STAP2: variants seen among roughly 807,000 people sequenced by gnomAD.
The protein encoded by STAP2 is signal transducing adaptor family member 2.
In STAP2, 58 loss-of-function variants were observed where a neutral mutation model predicts 52.7. The observed-to-expected ratio is 1.10, with a 90% CI of 0.89 to 1.37. The LOEUF is 1.37. Ranked by LOEUF, STAP2 falls within the 40% of genes most tolerant of loss-of-function variation. STAP2 has a pLI of 0.00. For missense variants in STAP2, 522 were observed against 519.4 expected, an observed-to-expected ratio of 1.00 and a Z score of -0.05; for synonymous variants, 231 against 210.5, an observed-to-expected ratio of 1.10 and a Z score of -0.84.
chr19:4,328,962 G>C lies in STAP2; in HGVS notation c.456-153C>G. The C allele has an allele frequency of 2.8e-6, 3 of 1,069,288 alleles. No homozygotes were observed. The South Asian group carries it at 5.2e-5, about 19-fold the overall frequency. 66.2% of individuals were successfully genotyped at this position (1,069,288 alleles called of 1,614,324 possible). On this transcript the variant is annotated intron_variant, in intron 5 of 12. Coordinates refer to ENST00000594605, the MANE Select transcript of STAP2 (RefSeq NM_001013841.2). Reference sequence around the variant, plus strand: ...TCCAGACCCAGGCCCCTCCCACGGAGACCCAGTCCGGCCTTCCAGGCTCCT... The same window carrying C: ...TCCAGACCCAGGCCCCTCCCACGGACACCCAGTCCGGCCTTCCAGGCTCCT...
intron 1 of STAP2, among the ~76,000 whole-genome samples, chr19:4,334,791 C>G (rs1971947370): frequency 4.9e-5 from 1 of 20,342 alleles, no homozygotes; most frequent in Non-Finnish European, 1.0e-4. Flanking sequence ...TCTGTCCACC[C>G]ATCCATCCAT....
chr19:4,333,754 G>C lies in STAP2; in HGVS notation c.237C>G (p.Ser79Arg). ...TGAAGTGGGTGCCAGGGTCACGTGA[G>C]CTTCCCCAGGGAATCTCATCTGTGA... ...EKLTDEIPWG[S>R]SRDPGTHFSL... The change falls in exon 3 of 13, where the codon AGC becomes AGG. Residue 79 changes from serine to arginine, a missense_variant. Ser to Arg is a moderately radical substitution (Grantham distance 110). Transcript: ENST00000594605. The C allele has an allele frequency of 6.2e-7, 1 of 1,613,526 alleles. No homozygotes were observed. Among genetic ancestry groups the C allele is most frequent in the Non-Finnish European group, 8.5e-7 (1 of 1,179,996 alleles).
chr19:4,334,870 C>T (rs1011485723), intron 1 of STAP2, among the ~76,000 whole-genome samples: 7 of 108,790 alleles, frequency 6.4e-5, no homozygotes, highest in Non-Finnish European at 1.4e-4. Flanking sequence ...TCAATGCATC[C>T]CTCCATCCAT....
Position 4,325,541 on chromosome 19 carries a change from A to G in STAP2, c.834T>C (p.Pro278=). ...GCTTGGGGCCACCTGTGCAGGGTGC[A>G]GGACCTGATGGGGAAACGTGGTCAC... is the stretch of plus-strand genomic sequence containing the variant. The part of the protein sequence containing the change: ...WVAPSAPGPG[P]APCTGGPKPL... The change falls in exon 10 of 13, where the codon CCT becomes CCC. Residue 278 remains proline, a synonymous_variant. Coordinates refer to ENST00000594605, the MANE Select transcript of STAP2 (RefSeq NM_001013841.2). 1.3e-6 allele frequency: 2 copies of G among 1,581,874 alleles called. No individual in the cohort carries two copies. The highest frequency in any genetic ancestry group is 1.7e-6 in the Non-Finnish European group (2 of 1,165,596).
Position 4,338,779 on chromosome 19 carries a change from C to T in STAP2, c.-26G>A, listed in dbSNP as rs1401010416. On this transcript the variant is annotated 5_prime_UTR_variant, in exon 1 of 13. Coordinates refer to ENST00000594605, the MANE Select transcript of STAP2 (RefSeq NM_001013841.2). Reference sequence around the variant, plus strand: ...GACGGAGCCAGGGTCTTCCGCCTGGCCTCTCCTTCCAGTGGGTGCCCCAGC... The same window carrying T: ...GACGGAGCCAGGGTCTTCCGCCTGGTCTCTCCTTCCAGTGGGTGCCCCAGC... The T allele has an allele frequency of 1.3e-6, 2 of 1,596,670 alleles. No homozygotes were observed. The highest frequency in any genetic ancestry group is 1.7e-6 in the Non-Finnish European group (2 of 1,169,070).
chr19:4,329,629 C>T (rs1411405661), intron 5 of STAP2, among the ~76,000 whole-genome samples: 9 of 152,066 alleles, frequency 5.9e-5, no homozygotes, highest in Non-Finnish European at 1.3e-4. Context: ...TTACCCTCTC[C>T]GACAAATAAC....
chr19:4,335,112 C>T (rs552921635), intron 1 of STAP2, among the ~76,000 whole-genome samples: 1 of 150,158 alleles, frequency 6.7e-6, no homozygotes, highest in Non-Finnish European at 1.5e-5. Context: ...TCCATCCATC[C>T]ATCCATACAT....
intron 1 of STAP2, chr19:4,338,304 A>G (rs4140985): frequency 0.41 from 65,682 of 161,170 alleles, 13,679 homozygotes; most frequent in East Asian, 0.61. Flanking sequence ...AGGACTCCCC[A>G]TTTCCTGGAG....
rs374601600 is a variant in STAP2, at chr19:4,327,157, A to C, written c.730T>G (p.Phe244Val). Residue 244 changes from phenylalanine (F) to valine (V), a missense_variant, in exon 8 of 13, where the codon TTC (phenylalanine) becomes GTC (valine). By Grantham distance (50) the Phe-to-Val change is conservative. Coordinates refer to ENST00000594605, the MANE Select transcript of STAP2 (RefSeq NM_001013841.2). ...VSHTKKALVP[F>V]LLDEDYEKVL... ...TTCTCGTAGTCCTCGTCTAACAGGA[A>C]TGGCACCAGCGCCTTTTTGGTATGC... 2.1e-4 allele frequency: 331 copies of C among 1,614,178 alleles called. 2 individuals carry two copies. The highest frequency in any genetic ancestry group is 1.9e-3 in the South Asian group (174 of 91,078).
rs1475529328 is a variant in STAP2, at chr19:4,324,133, T to G, written c.1212A>C (p.Ter404CysextTer?). Residue 404 changes from the stop codon to cysteine, a stop_lost, in exon 13 of 13, where the codon TGA becomes TGC. Coordinates refer to ENST00000594605, the MANE Select transcript of STAP2 (RefSeq NM_001013841.2). ...CCCGCTGGTCCCTGGTGTGTCCGAATCAGTGCTCCAGTGCCCGCCTCTTCT... is the reference window on the plus strand; with the variant it reads ...CCCGCTGGTCCCTGGTGTGTCCGAAGCAGTGCTCCAGTGCCCGCCTCTTCT... ...KLEKRRALEH[*>C] 2 of 1,551,440 alleles carry G rather than the reference T, an allele frequency of 1.3e-6. No homozygotes were observed. Among genetic ancestry groups the G allele is most frequent in the Non-Finnish European group, 1.7e-6 (2 of 1,146,934 alleles).
intron 6 of STAP2, 100 bp from the exon 7 acceptor site, chr19:4,327,485 C>A: frequency 7.8e-7 from 1 of 1,282,258 alleles, no homozygotes; most frequent in East Asian, 2.5e-5. Context: ...CCAATAGAAA[C>A]AGGTCCATAC....
chr19:4,328,539 C>T, intron 6 of STAP2, 136 bp downstream of exon 6: 4 of 1,240,274 alleles, frequency 3.2e-6, no homozygotes, highest in Non-Finnish European at 4.4e-6. Context: ...TCCCCAGACG[C>T]CCGTCTCGGC....
intron 3 of STAP2, 102 bp from the exon 4 acceptor site, chr19:4,332,180 CT>C: frequency 2.3e-6 from 1 of 441,690 alleles, no homozygotes; most frequent in Non-Finnish European, 3.5e-6. Context: ...GGGCCGTTTT[CT>C]TTTTTCTTTT....
At position 4,333,818 on chromosome 19, in the gene STAP2, T is replaced by C; in HGVS notation, c.175-2A>G. On this transcript the variant is annotated splice_acceptor_variant, in intron 2 of 12. Coordinates refer to ENST00000594605, the MANE Select transcript of STAP2 (RefSeq NM_001013841.2). LOFTEE classifies it high-confidence loss of function. ...TCCCAAGTTGAGCTTCTCCACGTGC[T>C]GGGGGCATAGAAGCAGGGGATCTGG... The C allele has an allele frequency of 6.2e-7, 1 of 1,613,886 alleles. No homozygotes were observed.
chr19:4,330,711 A>ATTTTTTT (rs1210010568), intron 4 of STAP2, among the ~76,000 whole-genome samples: 1 of 117,188 alleles, frequency 8.5e-6, no homozygotes, highest in African/African-American at 3.3e-5. Context: ...ATGTCAGCTA[A>ATTTTTTT]TTTTTTTTTT....
At chr19:4,334,601 C>T (rs1971943661) in intron 1 of STAP2, among the ~76,000 whole-genome samples, 1 of 150,488 alleles carries the variant, frequency 6.6e-6, no homozygotes. Context: ...CATCCATCCA[C>T]CTACCATTTA....
chr19:4,330,037 G>C lies in STAP2; in HGVS notation c.379C>G (p.Leu127Val). The change falls in exon 5 of 13, where the codon CTG becomes GTG. Residue 127 changes from leucine to valine, a missense_variant. Leu to Val is a conservative substitution (Grantham distance 32). Coordinates refer to ENST00000594605, the MANE Select transcript of STAP2 (RefSeq NM_001013841.2). Reference sequence around the variant, plus strand: ...ATCATGTATAGGTGCCCAGGAAGCAGGGTCAAGTCGGTCGGGACACGGAGC... The same window carrying C: ...ATCATGTATAGGTGCCCAGGAAGCACGGTCAAGTCGGTCGGGACACGGAGC... ...VELRVPTDLT[L>V]LPGHLYMMSE... is the part of the protein sequence containing the mutation. The C allele has an allele frequency of 1.9e-6, 3 of 1,613,648 alleles. No individual in the cohort carries two copies.
chr19:4,332,494 C>G (rs1971910082), intron 3 of STAP2, among the ~76,000 whole-genome samples: 1 of 151,960 alleles, frequency 6.6e-6, no homozygotes, highest in African/African-American at 2.4e-5. Context: ...GCATGAGCCA[C>G]CATGCCTGGC....
At chr19:4,331,699 G>C (rs1300613240) in intron 4 of STAP2, among the ~76,000 whole-genome samples, 1 of 152,142 alleles carries the variant, frequency 6.6e-6, no homozygotes, top group South Asian at 2.1e-4. Flanking sequence ...TTGGGAGGCT[G>C]AGGCGGGTGG....
Sources: allele counts gnomAD v4.1 joint callset (sites outside exome capture counted in the v4.1 genomes callset), GRCh38; gene constraint gnomAD v4.1.1; transcripts MANE v1.5; gene names NCBI Gene and HGNC (gene_info 2026-07-23, HGNC 2026-07-21).